Variants in MYH10 observed in about 807,000 individuals in gnomAD.
MYH10 encodes myosin heavy chain 10, also known as myosin-10.
Under a neutral mutation model 257.8 loss-of-function variants are expected in MYH10, and 55 were observed. That is an observed-to-expected ratio of 0.21 (90% CI 0.17 to 0.27). The LOEUF is 0.27. Among genes scored for constraint, MYH10 ranks in the 10% least tolerant of loss-of-function variants. The pLI, the probability that MYH10 is intolerant of heterozygous loss-of-function variation, is 1.00. For missense variants in MYH10, 1,631 were observed against 2,500.6 expected (o/e 0.65, Z 7.42); for synonymous variants, 854 against 921.7 (o/e 0.93, Z 1.33).
intron 35 of MYH10, among the ~76,000 whole-genome samples, chr17:8,489,745 A>ACACACACACACACCCCC (rs1258993754): frequency 6.6e-6 from 1 of 150,700 alleles, no homozygotes; most frequent in African/African-American, 2.5e-5. Flanking sequence ...ACACACACAC[A>ACACACACACACACCCCC]CCCCAAATCC....
At position 8,520,910 on chromosome 17, in the gene MYH10, A is replaced by G. The variant is rs890620337; in HGVS notation, c.2241T>C (p.Pro747=). ...EGIRICRQGF[P]NRIVFQEFRQ... ...TGAATTCCTGGAAAACTATTCGGTT[A>G]GGGAAGCCCTGGCGACAGATTCGGA... Residue 747 remains proline, a synonymous_variant, in exon 19 of 43, where the codon CCT becomes CCC. Transcript: ENST00000360416. 7 of 1,613,424 alleles carry G rather than the reference A, an allele frequency of 4.3e-6. No homozygotes were observed. The highest frequency in any genetic ancestry group is 5.9e-6 in the Non-Finnish European group (7 of 1,179,610).
chr17:8,492,938 C>T lies in MYH10; in HGVS notation c.4296G>A (p.Ala1432=), dbSNP rs35712248. 488 of 1,614,110 alleles carry T rather than the reference C, an allele frequency of 3.0e-4. 3 individuals are homozygous for T. In the African/African-American group the frequency reaches 5.2e-3, roughly 17 times the overall value. The change falls in exon 33 of 43, where the codon GCG becomes GCA. Residue 1432 remains alanine, a synonymous_variant. Transcript: ENST00000360416. ...EEAKKKLLKD[A]EALSQRLEEK... is the part of the protein sequence containing the mutation. ...CCTCCAGGCGCTGGCTCAGGGCCTC[C>T]GCGTCCTTCAGAAGCTTCTTCTTGG... is the stretch of plus-strand genomic sequence containing the variant.
At chr17:8,555,891 ATAAAAGG>A (rs61137624) in intron 7 of MYH10, among the ~76,000 whole-genome samples, 61,065 of 151,532 alleles carry the variant, frequency 0.4, 12,192 homozygotes, top group East Asian at 0.49. Context: ...AACACATGTG[ATAAAAGG>A]CTTGTTGCCA....
At chr17:8,478,549 G>A (rs931043380) in intron 40 of MYH10, 103 bp from the exon 41 acceptor site, 5 of 1,041,940 alleles carry the variant, frequency 4.8e-6, no homozygotes, top group Non-Finnish European at 4.4e-6. Context: ...GACACATGGT[G>A]GAGGCATTAT....
intron 16 of MYH10, 130 bp from the exon 17 acceptor site, chr17:8,530,815 T>A: frequency 1.6e-6 from 1 of 626,448 alleles, no homozygotes; most frequent in Non-Finnish European, 2.7e-6. Flanking sequence ...CCAAGGCAGA[T>A]CCCATGCAAA....
chr17:8,629,195 T>C (rs1412668210), intron 1 of MYH10, among the ~76,000 whole-genome samples: 1 of 152,220 alleles, frequency 6.6e-6, no homozygotes, highest in African/African-American at 2.4e-5. Context: ...TAATTAAACC[T>C]GACTCAAAGA....
chr17:8,602,121 G>A (rs1263069821), intron 3 of MYH10, among the ~76,000 whole-genome samples: 2 of 152,038 alleles, frequency 1.3e-5, no homozygotes, highest in African/African-American at 2.4e-5. Context: ...GACTACAGGC[G>A]CGTGCTGCCA....
At position 8,601,631 on chromosome 17, in the gene MYH10, G is replaced by C. The variant is rs540783692; in HGVS notation, c.502+3195C>G. 9.5e-4 allele frequency among the ~76,000 whole-genome samples: 145 copies of C among 152,190 alleles called. 1 individual carries two copies. Among genetic ancestry groups the C allele is most frequent in the African/African-American group, 3.4e-3 (140 of 41,508 alleles). ...CTCCATTCTAGTCTTCAAATCTACT[G>C]CTCTAGTTTCCAATTCTGTCTAATC... On this transcript the variant is annotated intron_variant, in intron 3 of 42. Transcript: ENST00000360416.
Position 8,610,610 on chromosome 17 carries a change from C to T in MYH10, c.346-5628G>A, listed in dbSNP as rs139279549. On this transcript the variant is annotated intron_variant, in intron 2 of 42. Transcript: ENST00000360416. The stretch of plus-strand genomic sequence containing the variant: ...TTGAGAGGTGCTTAGATAATGAGGG[C>T]TCCACCTTCATCAATGGATTAATGC... Among the ~76,000 whole-genome samples the T allele has an allele frequency of 1.4e-3, 213 of 152,246 alleles. No individual in the cohort carries two copies. The South Asian group carries it at 0.014, about 10-fold the overall frequency.
chr17:8,492,985 T>C lies in MYH10; in HGVS notation c.4249A>G (p.Thr1417Ala). 6.2e-7 allele frequency: 1 copy of C among 1,612,050 alleles called. No individual in the cohort carries two copies. The highest frequency in any genetic ancestry group is 8.5e-7 in the Non-Finnish European group (1 of 1,178,764). Residue 1417 changes from threonine to alanine, a missense_variant, in exon 33 of 43, where the codon ACA becomes GCA. Physicochemically the swap from Thr to Ala is moderately conservative, Grantham distance 58 (BLOSUM62 0). Coordinates refer to ENST00000360416, the MANE Select transcript of MYH10 (RefSeq NM_001256012.3). ...TTGGCTTCTTCCAGACTTTCAATTG[T>C]TCCCAGGTCGTCATCTACTTTCTTC... Reference protein sequence around the residue: ...TKKKVDDDLGTIESLEEAKKK... With the variant: ...TKKKVDDDLGAIESLEEAKKK...
At chr17:8,480,045 G>A in intron 40 of MYH10, 65 bp downstream of exon 40, 1 of 1,533,694 alleles carries the variant, frequency 6.5e-7, no homozygotes, top group Non-Finnish European at 8.9e-7. Context: ...AAAGGGGCAT[G>A]CCTGTTTTGT....
At chr17:8,529,255 ACTTAG>A (rs2081948124) in intron 17 of MYH10, among the ~76,000 whole-genome samples, 1 of 152,200 alleles carries the variant, frequency 6.6e-6, no homozygotes, top group Non-Finnish European at 1.5e-5. Flanking sequence ...TCTCTCAGCG[ACTTAG>A]TGATGTTTTG....
At chr17:8,561,407 A>T in intron 7 of MYH10, 1 of 1,046,610 alleles carries the variant, frequency 9.6e-7, no homozygotes, top group Non-Finnish European at 1.5e-6. Flanking sequence ...AGTGTCTTCG[A>T]TGCCTATGTG....
At chr17:8,481,079 TGCG>T in intron 38 of MYH10, among the ~76,000 whole-genome samples, 14 of 1,904 alleles carry the variant, frequency 7.4e-3, no homozygotes, top group East Asian at 0.17. Flanking sequence ...GGCTCCCCCC[TGCG>T]GTGTGCAGGG....
Position 8,504,669 on chromosome 17 carries a change from G to A in MYH10, c.3599+25C>T, listed in dbSNP as rs747946043. The A allele has an allele frequency of 3.1e-6, 5 of 1,604,954 alleles. No individual in the cohort carries two copies. In the African/African-American group the frequency reaches 5.4e-5, roughly 17 times the overall value. ...GGTGGAGAGGTCGGCAGGCGCCCGGGCCCTGCTTCCTCTCCCACACTCACC... is the reference window on the plus strand; with the variant it reads ...GGTGGAGAGGTCGGCAGGCGCCCGGACCCTGCTTCCTCTCCCACACTCACC... On this transcript the variant is annotated intron_variant, in intron 28 of 42. Transcript: ENST00000360416. This position sits in a 1 kb window ranked among gnomAD's most constrained non-coding sequence, Gnocchi z 5.6.
intron 29 of MYH10, 116 bp downstream of exon 29, chr17:8,500,710 C>T (rs571806989): frequency 3.9e-5 from 50 of 1,275,954 alleles, no homozygotes; most frequent in Non-Finnish European, 4.1e-5. Flanking sequence ...CACTCAGTGA[C>T]GTACAGAGGC....
chr17:8,483,940 A>AAC (rs1217817869), intron 37 of MYH10, among the ~76,000 whole-genome samples, 198 bp downstream of exon 37: 2 of 152,228 alleles, frequency 1.3e-5, no homozygotes, highest in African/African-American at 4.8e-5. Flanking sequence ...AGCAGTGTCG[A>AAC]AGTGATAACT....
chr17:8,528,951 C>A (rs1318958547), intron 17 of MYH10, among the ~76,000 whole-genome samples: 1 of 152,142 alleles, frequency 6.6e-6, no homozygotes, highest in African/African-American at 2.4e-5. Context: ...GTAACTCAAC[C>A]AAAGGACACC....
At chr17:8,528,761 G>A (rs533531876) in intron 17 of MYH10, among the ~76,000 whole-genome samples, 8 of 152,188 alleles carry the variant, frequency 5.3e-5, no homozygotes, top group South Asian at 4.1e-4. Context: ...CTACATTTTC[G>A]TTTTAAAATC....
Sources: allele counts gnomAD v4.1 joint callset (sites outside exome capture counted in the v4.1 genomes callset), GRCh38; gene constraint gnomAD v4.1.1; non-coding constraint Gnocchi (gnomAD v3.1); transcripts MANE v1.5; gene names NCBI Gene and HGNC (gene_info 2026-07-23, HGNC 2026-07-21).